Variants in NTRK3 observed in about 807,000 individuals in gnomAD.
NTRK3 encodes neurotrophic receptor tyrosine kinase 3, also known as NT-3 growth factor receptor.
In NTRK3, 24 loss-of-function variants were observed where a neutral mutation model predicts 91.7. The observed-to-expected ratio is 0.26, with a 90% confidence interval of 0.19 to 0.37. The LOEUF (loss-of-function observed/expected upper bound fraction) is 0.37, where lower values mean the gene tolerates loss of function less well. Among genes scored for constraint, NTRK3 ranks in the 10% least tolerant of loss-of-function variants. The pLI is 1.00. For synonymous variants in NTRK3, 483 were observed against 404.0 expected (o/e 1.20, Z -2.34); for missense variants, 880 against 1,068.9 (o/e 0.82, Z 2.46).
chr15:88,216,968 A>G (rs7169789), intron 3 of NTRK3, among the ~76,000 whole-genome samples: 125,639 of 152,148 alleles, frequency 0.83, 52,600 homozygotes, highest in East Asian at 0.99. Flanking sequence ...GAAGTTTGAC[A>G]TTAACAGAGC....
At chr15:88,104,471 C>T (rs1310257207) in intron 13 of NTRK3, among the ~76,000 whole-genome samples, 1 of 152,188 alleles carries the variant, frequency 6.6e-6, no homozygotes, top group Non-Finnish European at 1.5e-5. Flanking sequence ...CAGTCTTTCA[C>T]GAGGCTAAAG....
At chr15:88,150,338 C>A (rs2151338645) in intron 5 of NTRK3, among the ~76,000 whole-genome samples, 1 of 152,262 alleles carries the variant, frequency 6.6e-6, no homozygotes, top group South Asian at 2.1e-4. Flanking sequence ...CTACATTAGG[C>A]AGAAATGTCA....
At chr15:87,870,581 T>C (rs1415858238) in exon 19 of NTRK3, 1 of 206,576 alleles carries the variant, frequency 4.8e-6, no homozygotes, top group Non-Finnish European at 9.9e-6. Context: ...CCTATGGAAA[T>C]AAAAAATATG....
intron 3 of NTRK3, among the ~76,000 whole-genome samples, chr15:88,190,181 T>C (rs2047279151): frequency 1.3e-5 from 2 of 152,230 alleles, no homozygotes; most frequent in Non-Finnish European, 2.9e-5. Context: ...TCTCTGGCTG[T>C]CAGATTGCTG....
At chr15:88,228,411 G>A (rs1166447783) in intron 3 of NTRK3, among the ~76,000 whole-genome samples, 2 of 152,048 alleles carry the variant, frequency 1.3e-5, no homozygotes, top group Non-Finnish European at 2.9e-5. Flanking sequence ...CCTGAAACAT[G>A]AGTCTCATCC....
intron 5 of NTRK3, among the ~76,000 whole-genome samples, chr15:88,156,446 T>G (rs576913618): frequency 1.3e-5 from 2 of 152,108 alleles, no homozygotes; most frequent in African/African-American, 4.8e-5. Flanking sequence ...ATTCTCTCAC[T>G]ACCCACCTCC....
At chr15:87,862,877 T>C (rs529022495) in exon 19 of NTRK3, 1 of 230,750 alleles carries the variant, frequency 4.3e-6, no homozygotes, top group Admixed American at 5.7e-5. Flanking sequence ...AACAGCAGCA[T>C]CACTGGGACC....
intron 3 of NTRK3, among the ~76,000 whole-genome samples, chr15:88,210,915 C>G (rs1301657862): frequency 6.6e-6 from 1 of 152,092 alleles, no homozygotes; most frequent in African/African-American, 2.4e-5. Flanking sequence ...CTGCCTGTGA[C>G]CCAGAGCAGT....
At chr15:88,203,591 C>T (rs993503266) in intron 3 of NTRK3, among the ~76,000 whole-genome samples, 3 of 152,118 alleles carry the variant, frequency 2.0e-5, no homozygotes, top group African/African-American at 7.2e-5. Context: ...TATGGATATA[C>T]AGTTAGATGG....
At chr15:87,980,371 G>A (rs541606777) in intron 14 of NTRK3, among the ~76,000 whole-genome samples, 3 of 138,210 alleles carry the variant, frequency 2.2e-5, no homozygotes, top group East Asian at 2.3e-4. Flanking sequence ...GTGTTTCCAT[G>A]TGTGTATCTG....
chr15:88,184,006 G>T (rs1012883601), intron 4 of NTRK3, among the ~76,000 whole-genome samples: 1 of 152,174 alleles, frequency 6.6e-6, no homozygotes, highest in Non-Finnish European at 1.5e-5. Flanking sequence ...CAACCCCCTT[G>T]CCTCTCTAGA....
chr15:88,030,732 G>A (rs1160435964), intron 14 of NTRK3, among the ~76,000 whole-genome samples: 1 of 151,878 alleles, frequency 6.6e-6, no homozygotes, highest in Non-Finnish European at 1.5e-5. Flanking sequence ...GTTTCCAGCT[G>A]AGACTCAACA....
intron 6 of NTRK3, chr15:88,144,280 G>C (rs974540089): frequency 1.3e-5 from 2 of 152,212 alleles, no homozygotes; most frequent in Non-Finnish European, 2.9e-5. Context: ...AGTCATGGAA[G>C]ATGCGAAGAT....
intron 5 of NTRK3, among the ~76,000 whole-genome samples, chr15:88,167,618 T>C (rs577401688): frequency 1.3e-5 from 2 of 152,320 alleles, no homozygotes; most frequent in South Asian, 2.1e-4. Context: ...ATGGTTAAGA[T>C]AGCATATTGC....
chr15:88,204,795 C>T (rs992000320), intron 3 of NTRK3, among the ~76,000 whole-genome samples: 4 of 152,162 alleles, frequency 2.6e-5, no homozygotes, highest in Non-Finnish European at 5.9e-5. Flanking sequence ...TCACTGGGGG[C>T]GTGCCACCTG....
chr15:88,211,945 G>C (rs2049282974), intron 3 of NTRK3, among the ~76,000 whole-genome samples: 1 of 152,128 alleles, frequency 6.6e-6, no homozygotes, highest in African/African-American at 2.4e-5. Flanking sequence ...CATTTAAACT[G>C]TAATTCAATA....
chr15:88,109,801 T>A (rs979264477), intron 13 of NTRK3, among the ~76,000 whole-genome samples: 1 of 152,090 alleles, frequency 6.6e-6, no homozygotes. Flanking sequence ...AAGATCCCCA[T>A]GCGATTCTAC....
chr15:88,183,553 GAGGCTGGCAGGGGGTGAGGCTA>G (rs1485731845), intron 4 of NTRK3, 64 bp from the exon 5 acceptor site: 18 of 1,479,186 alleles, frequency 1.2e-5, no homozygotes, highest in East Asian at 6.8e-5. Context: ...GCTCTGGGCT[GAGGCTGGCAGGGGGTGAGGCTA>G]AGGCTGGCCC....
At chr15:87,906,261 A>C (rs558017135) in intron 17 of NTRK3, among the ~76,000 whole-genome samples, 119 of 152,382 alleles carry the variant, frequency 7.8e-4, no homozygotes, top group Admixed American at 1.9e-3. Flanking sequence ...AAATTAATTT[A>C]CTCAAAGCCC....
Sources: gnomAD v4.1 joint callset for allele counts (sites outside exome capture counted in the v4.1 genomes callset) on GRCh38, gnomAD v4.1.1 for gene constraint, MANE v1.5 for transcripts, NCBI Gene and HGNC (gene_info 2026-07-23, HGNC 2026-07-21) for gene names.